Variants in RNF4 observed in about 807,000 individuals in gnomAD.
The protein encoded by RNF4 is E3 ubiquitin-protein ligase RNF4.
A neutral mutation model predicts 24.3 loss-of-function variants in RNF4; 7 were observed. The observed-to-expected ratio is 0.29, with a 90% CI of 0.16 to 0.54. The LOEUF is 0.54. Ranked by LOEUF, RNF4 falls within the 20% of genes least tolerant of loss-of-function variation. RNF4 has a pLI of 0.95. For synonymous variants in RNF4, 83 were observed against 84.3 expected (o/e 0.98, Z 0.09); for missense variants, 209 against 248.5 (o/e 0.84, Z 1.07).
At chr4:2,485,844 C>T (rs960986040) in intron 1 of RNF4, among the ~76,000 whole-genome samples, 1 of 152,168 alleles carries the variant, frequency 6.6e-6, no homozygotes, top group Non-Finnish European at 1.5e-5. Flanking sequence ...TGAGAGCATA[C>T]TGGACGAGAG....
Position 2,513,079 on chromosome 4 carries a change from T to C in RNF4, c.375-4T>C, listed in dbSNP as rs757564554. ...GAAACTAACGTGAAGCACTGTGCTC[T>C]TAGGCCCTCAGGTACTGTCAGTTGT... On this transcript the variant is annotated splice_polypyrimidine_tract_variant and splice_region_variant and intron_variant, in intron 6 of 7. Coordinates refer to ENST00000314289, the MANE Select transcript of RNF4 (RefSeq NM_002938.5). The C allele has an allele frequency of 1.8e-5, 29 of 1,613,672 alleles. No homozygotes were observed. The highest frequency in any genetic ancestry group is 2.4e-5 in the Non-Finnish European group (28 of 1,179,684).
intron 1 of RNF4, among the ~76,000 whole-genome samples, chr4:2,484,396 C>A (rs532510810): frequency 6.0e-4 from 91 of 152,154 alleles, no homozygotes; most frequent in Middle Eastern, 3.4e-3. Flanking sequence ...CTTCCTGTTT[C>A]CTGCCCGCCT....
intron 3 of RNF4, among the ~76,000 whole-genome samples, chr4:2,497,825 AG>A (rs1229898275): frequency 6.6e-6 from 1 of 151,802 alleles, no homozygotes; most frequent in Non-Finnish European, 1.5e-5. Context: ...TAATAGAGAC[AG>A]GGTTTCACCA....
chr4:2,509,975 T>A (rs1736222167), intron 4 of RNF4, among the ~76,000 whole-genome samples: 1 of 152,196 alleles, frequency 6.6e-6, no homozygotes, highest in Admixed American at 6.5e-5. Context: ...CCTCCTTTTC[T>A]AGATTTCATG....
At chr4:2,470,075 A>G (rs704349) in intron 1 of RNF4, 129,158 of 152,272 alleles carry the variant, frequency 0.85, 54,846 homozygotes, top group South Asian at 0.89. Flanking sequence ...TTCACTTGTC[A>G]GTTCCCATAG....
At chr4:2,483,790 C>G (rs1476353831) in intron 1 of RNF4, among the ~76,000 whole-genome samples, 1 of 151,900 alleles carries the variant, frequency 6.6e-6, no homozygotes, top group East Asian at 1.9e-4. Flanking sequence ...GGTGACAGAA[C>G]AAGACTGTGT....
At chr4:2,508,600 T>TTTTTTG (rs1163003608) in intron 4 of RNF4, among the ~76,000 whole-genome samples, 1 of 152,078 alleles carries the variant, frequency 6.6e-6, no homozygotes, top group Non-Finnish European at 1.5e-5. Flanking sequence ...TTTTGTTTTG[T>TTTTTTG]TTTTTGTTTT....
chr4:2,503,469 C>T (rs775169522), intron 4 of RNF4, among the ~76,000 whole-genome samples: 8 of 152,160 alleles, frequency 5.3e-5, no homozygotes, highest in Non-Finnish European at 1.2e-4. Context: ...AGGTTCTGGT[C>T]TCTCAGATCT....
Position 2,513,872 on chromosome 4 carries a change from T to G in RNF4, c.*53T>G. On this transcript the variant is annotated 3_prime_UTR_variant, in exon 8 of 8. Transcript: ENST00000314289. ...GATGGACAGACAGACAGCCAGGTTCTCCAGTGGTATCTGCCTCCATTTTCC... is the reference window on the plus strand; with the variant it reads ...GATGGACAGACAGACAGCCAGGTTCGCCAGTGGTATCTGCCTCCATTTTCC... 6.2e-7 allele frequency: 1 copy of G among 1,606,972 alleles called. No homozygotes were observed. The highest frequency in any genetic ancestry group is 8.5e-7 in the Non-Finnish European group (1 of 1,175,060).
intron 2 of RNF4, among the ~76,000 whole-genome samples, chr4:2,491,931 GCT>G (rs1735592054): frequency 6.6e-6 from 1 of 151,306 alleles, no homozygotes; most frequent in African/African-American, 2.4e-5. Flanking sequence ...AGGTGCGGTG[GCT>G]TATGCCTGTA....
rs1335290058 is a variant in RNF4 at position 2,512,136 on chromosome 4, C to G, written c.214+171C>G. 3 of 664,118 alleles carry G rather than the reference C, an allele frequency of 4.5e-6. No individual in the cohort carries two copies. Among genetic ancestry groups the G allele is most frequent in the African/African-American group, 3.6e-5 (2 of 54,922 alleles). The allele number at this position is 664,118 out of a possible 1,614,324, so 41.1% of individuals were successfully genotyped here. A position where few individuals can be genotyped will look rare whatever the true frequency, so the allele number is the denominator to read the frequency against. On this transcript the variant is annotated intron_variant, in intron 5 of 7. Coordinates refer to ENST00000314289, the MANE Select transcript of RNF4 (RefSeq NM_002938.5). This position sits in a 1 kb window ranked among gnomAD's most constrained non-coding sequence, Gnocchi z 4.1. ...ACCCACACAGCCAGTCCCCCTTGTG[C>G]CTGCTGAAGAAACTTCACCACTATC...
rs530254284 is a variant in RNF4 at position 2,512,071 on chromosome 4, G to T, written c.214+106G>T. ...CAGACCATCCCCAAGGGCTTGGAGC[G>T]CTCCAAGCAGGAAGATGCCTTCGCA... On this transcript the variant is annotated intron_variant, in intron 5 of 7. Coordinates refer to ENST00000314289, the MANE Select transcript of RNF4 (RefSeq NM_002938.5). This position sits in a 1 kb window ranked among gnomAD's most constrained non-coding sequence, Gnocchi z 4.1. The T allele has an allele frequency of 9.5e-7, 1 of 1,053,400 alleles. No homozygotes were observed. The highest frequency in any genetic ancestry group is 2.3e-5 in the Admixed American group (1 of 43,386). 65.3% of individuals were successfully genotyped at this position (1,053,400 alleles called of 1,614,324 possible). A position where few individuals can be genotyped will look rare whatever the true frequency, so the allele number is the denominator to read the frequency against.
intron 4 of RNF4, among the ~76,000 whole-genome samples, chr4:2,502,521 T>A (rs1735941811): frequency 6.6e-6 from 1 of 151,888 alleles, no homozygotes; most frequent in Non-Finnish European, 1.5e-5. Context: ...CTGTCTCTAC[T>A]AAAAATACAA....
At chr4:2,490,791 A>G in intron 2 of RNF4, 1 of 310,692 alleles carries the variant, frequency 3.2e-6, no homozygotes, top group Non-Finnish European at 6.0e-6. Flanking sequence ...TAGAAATACT[A>G]AAACTTTTTG....
chr4:2,507,650 T>C (rs1736141791), intron 4 of RNF4, among the ~76,000 whole-genome samples: 1 of 152,126 alleles, frequency 6.6e-6, no homozygotes, highest in Admixed American at 6.6e-5. Context: ...GACCCAGTGA[T>C]TCCTATACTT....
intron 1 of RNF4, among the ~76,000 whole-genome samples, chr4:2,488,567 C>T (rs1397896101): frequency 1.3e-5 from 2 of 152,206 alleles, no homozygotes; most frequent in Admixed American, 1.3e-4. Context: ...TTTGGAGAGA[C>T]TGCCAACCTG....
At chr4:2,483,828 GATTTTTATTT>G (rs1735314938) in intron 1 of RNF4, among the ~76,000 whole-genome samples, 1 of 151,808 alleles carries the variant, frequency 6.6e-6, no homozygotes, top group Admixed American at 6.6e-5. Flanking sequence ...TGTTTTTATT[GATTTTTATTT>G]ATTTATTTAT....
At chr4:2,475,727 A>G (rs1029949168) in intron 1 of RNF4, among the ~76,000 whole-genome samples, 31 of 152,134 alleles carry the variant, frequency 2.0e-4, no homozygotes, top group African/African-American at 7.5e-4. Context: ...ATGATTTAAT[A>G]TCTATGGTTG....
rs1736303967 is a variant in RNF4 at position 2,512,747 on chromosome 4, A to G, written c.374+150A>G. The G allele has an allele frequency of 2.2e-6, 2 of 918,904 alleles. No homozygotes were observed. The highest frequency in any genetic ancestry group is 1.6e-6 in the Non-Finnish European group (1 of 621,908). 56.9% of individuals were successfully genotyped at this position (918,904 alleles called of 1,614,324 possible). On this transcript the variant is annotated intron_variant, in intron 6 of 7. Coordinates refer to ENST00000314289, the MANE Select transcript of RNF4 (RefSeq NM_002938.5). This position sits in a 1 kb window ranked among gnomAD's most constrained non-coding sequence, Gnocchi z 4.1. ...TCTGGATACAGTTGGAACTGGGTCCAGAACTGAGTCCAGCTATTCCCACTG... is the reference window on the plus strand; with the variant it reads ...TCTGGATACAGTTGGAACTGGGTCCGGAACTGAGTCCAGCTATTCCCACTG...
Sources: gnomAD v4.1 joint callset for allele counts (sites outside exome capture counted in the v4.1 genomes callset) on GRCh38, gnomAD v4.1.1 for gene constraint, Gnocchi (gnomAD v3.1) non-coding constraint, MANE v1.5 for transcripts, NCBI Gene and HGNC (gene_info 2026-07-23, HGNC 2026-07-21) for gene names.